Variants in DOCK9 observed in about 807,000 individuals in gnomAD.
DOCK9 encodes dedicator of cytokinesis protein 9.
In DOCK9, 89 loss-of-function variants were observed where a neutral mutation model predicts 263.3. The ratio of observed to expected loss-of-function variants is 0.34; its 90% CI spans 0.28 to 0.40. DOCK9 has a LOEUF of 0.40. Among genes scored for constraint, DOCK9 ranks in the 10% least tolerant of loss-of-function variants. DOCK9 has a pLI of 1.00. For missense variants in DOCK9, 2,140 were observed against 2,603.4 expected (o/e 0.82, Z 3.87); for synonymous variants, 976 against 973.1 (o/e 1.00, Z -0.06).
chr13:98,806,562 AAC>A (rs2090729798), intron 48 of DOCK9, among the ~76,000 whole-genome samples: 1 of 152,238 alleles, frequency 6.6e-6, no homozygotes, highest in Non-Finnish European at 1.5e-5. Flanking sequence ...AAAATGAAAA[AAC>A]AGATGGAAAA....
chr13:98,868,334 A>G lies in DOCK9; in HGVS notation c.2987T>C (p.Val996Ala). Residue 996 changes from valine (V) to alanine (A), a missense_variant, in exon 28 of 53, where the codon GTG becomes GCG. By Grantham distance (64) the Val-to-Ala change is moderately conservative. Around this residue, in one of 2 missense-constraint regions of DOCK9, gnomAD observed 1,521 missense variants for 1,741.7 expected, o/e 0.87. Transcript: ENST00000682017. ...CATCAGCATATTTACAACGGTTTCC[A>G]CTGCATGATGATAGGATGCAGGAAA... Reference protein sequence around the residue: ...QRFPASYHHAVETVVNMLMPH... With the variant: ...QRFPASYHHAAETVVNMLMPH... 6.2e-7 allele frequency: 1 copy of G among 1,613,880 alleles called. No homozygotes were observed. The highest frequency in any genetic ancestry group is 2.2e-5 in the East Asian group (1 of 44,876).
chr13:99,019,022 C>T (rs1363957980), intron 1 of DOCK9, among the ~76,000 whole-genome samples: 4 of 152,146 alleles, frequency 2.6e-5, no homozygotes, highest in African/African-American at 9.7e-5. Context: ...ACTCATATGG[C>T]ACATCCACAC....
chr13:98,892,871 T>C (rs1384731266), intron 15 of DOCK9, among the ~76,000 whole-genome samples: 2 of 152,158 alleles, frequency 1.3e-5, no homozygotes, highest in Non-Finnish European at 2.9e-5. Context: ...ACCACGGTTT[T>C]AGGGGGCAGG....
At chr13:99,012,944 ATCT>A (rs1034431941) in intron 1 of DOCK9, among the ~76,000 whole-genome samples, 1 of 152,190 alleles carries the variant, frequency 6.6e-6, no homozygotes, top group African/African-American at 2.4e-5. Flanking sequence ...ATTTTAACTA[ATCT>A]TCTCAGTAGT....
intron 2 of DOCK9, among the ~76,000 whole-genome samples, chr13:98,944,347 G>T (rs74111322): frequency 0.015 from 1,927 of 127,104 alleles, 36 homozygotes; most frequent in African/African-American, 0.053. Flanking sequence ...AGCACAATAT[G>T]GAGCAAAAAT....
chr13:99,000,810 G>C (rs1487344653), intron 1 of DOCK9, among the ~76,000 whole-genome samples: 1 of 152,142 alleles, frequency 6.6e-6, no homozygotes, highest in Admixed American at 6.5e-5. Flanking sequence ...TTTTACCATA[G>C]TGTGATTTTT....
chr13:99,071,230 C>G (rs190902486), intron 1 of DOCK9, among the ~76,000 whole-genome samples: 2 of 143,456 alleles, frequency 1.4e-5, no homozygotes, highest in Admixed American at 1.4e-4. Flanking sequence ...GCAGCCTCAA[C>G]CTCCCAGGCT....
At chr13:99,046,840 T>C (rs9517567) in intron 1 of DOCK9, among the ~76,000 whole-genome samples, 41,462 of 152,110 alleles carry the variant, frequency 0.27, 6,022 homozygotes, top group East Asian at 0.43. Flanking sequence ...TGTCTCATAC[T>C]TCATGCCTGC....
chr13:98,803,143 TC>T (rs1488448850), intron 49 of DOCK9, among the ~76,000 whole-genome samples: 4 of 151,950 alleles, frequency 2.6e-5, no homozygotes, highest in African/African-American at 9.7e-5. Context: ...TGGACGGCAA[TC>T]CCCAAGCCAA....
At chr13:98,969,418 C>T (rs1212514812) in intron 1 of DOCK9, among the ~76,000 whole-genome samples, 1 of 151,148 alleles carries the variant, frequency 6.6e-6, no homozygotes, top group Non-Finnish European at 1.5e-5. Context: ...TTTGCCTATA[C>T]ATTCCCCAAA....
intron 1 of DOCK9, among the ~76,000 whole-genome samples, chr13:99,046,305 T>G (rs1488255302): frequency 6.6e-6 from 1 of 152,232 alleles, no homozygotes; most frequent in Non-Finnish European, 1.5e-5. Flanking sequence ...GCTGGAATGA[T>G]GCCCTCCTGC....
At chr13:98,821,962 ATC>A (rs2092299385) in intron 45 of DOCK9, among the ~76,000 whole-genome samples, 1 of 152,090 alleles carries the variant, frequency 6.6e-6, no homozygotes, top group Admixed American at 6.5e-5. Context: ...AGAGATTTTC[ATC>A]TCTCTTTTTC....
chr13:98,862,800 G>A (rs2093912424), intron 32 of DOCK9, among the ~76,000 whole-genome samples: 1 of 152,160 alleles, frequency 6.6e-6, no homozygotes, highest in Non-Finnish European at 1.5e-5. Flanking sequence ...AAGCCAGAGA[G>A]CACCAAAAGT....
chr13:98,886,478 A>G (rs1741477024), intron 19 of DOCK9, 54 bp downstream of exon 19: 6 of 1,512,640 alleles, frequency 4.0e-6, no homozygotes, highest in Non-Finnish European at 5.5e-6. Context: ...CAAATACATT[A>G]AAGTTTCCCT....
At chr13:99,086,237 C>G (rs538126608) in exon 1 of DOCK9, 2 of 1,504,944 alleles carry the variant, frequency 1.3e-6, no homozygotes, top group Admixed American at 2.1e-5. Flanking sequence ...AGCACGGAGC[C>G]GCGCACCACC....
intron 13 of DOCK9, among the ~76,000 whole-genome samples, chr13:98,900,110 G>A (rs1289292468): frequency 6.6e-6 from 1 of 152,172 alleles, no homozygotes; most frequent in Non-Finnish European, 1.5e-5. Flanking sequence ...ATGCTTTGGA[G>A]GTGGCAGAAA....
chr13:98,961,513 A>G (rs1451709755), intron 1 of DOCK9, among the ~76,000 whole-genome samples: 1 of 152,204 alleles, frequency 6.6e-6, no homozygotes, highest in African/African-American at 2.4e-5. Flanking sequence ...AGGCAGGCAT[A>G]TAGCACTTCG....
At chr13:99,011,214 T>A (rs1477187115) in intron 1 of DOCK9, among the ~76,000 whole-genome samples, 1 of 152,184 alleles carries the variant, frequency 6.6e-6, no homozygotes, top group South Asian at 2.1e-4. Flanking sequence ...TTAATTTATA[T>A]TGTAACTTAT....
intron 49 of DOCK9, 63 bp downstream of exon 49, chr13:98,804,936 C>T: frequency 6.6e-7 from 1 of 1,526,678 alleles, no homozygotes. Flanking sequence ...CTTCTGAATC[C>T]CTCTGGACAG....
Sources: allele counts gnomAD v4.1 joint callset (sites outside exome capture counted in the v4.1 genomes callset), GRCh38; gene constraint gnomAD v4.1.1; regional missense constraint gnomAD v4.1.1; transcripts MANE v1.5; gene names NCBI Gene and HGNC (gene_info 2026-07-23, HGNC 2026-07-21).